Variants in MDGA2 observed in about 807,000 individuals in gnomAD.
MDGA2 encodes the protein MAM domain containing glycosylphosphatidylinositol anchor 2, also known as MAM domain-containing glycosylphosphatidylinositol anchor protein 2.
MDGA2 carries 40 observed loss-of-function variants against 117.8 expected under a neutral mutation model. That is an observed-to-expected ratio of 0.34 (90% confidence interval 0.26 to 0.44). The LOEUF is 0.44. Ranked by LOEUF, MDGA2 falls within the 20% of genes least tolerant of loss-of-function variation. The probability of loss-of-function intolerance (pLI) is 1.00; values close to 1 mark genes in which losing one functional copy is unlikely to be tolerated. For missense variants in MDGA2, 1,123 were observed against 1,250.6 expected, an observed-to-expected ratio of 0.90 and a Z score of 1.54; for synonymous variants, 452 against 439.0, an observed-to-expected ratio of 1.03 and a Z score of -0.37.
At chr14:47,604,193 G>A (rs1163571787) in intron 1 of MDGA2, among the ~76,000 whole-genome samples, 2 of 152,000 alleles carry the variant, frequency 1.3e-5, no homozygotes, top group South Asian at 2.1e-4. Flanking sequence ...AATAAAACTT[G>A]GAAGGAATAT....
Position 47,674,792 on chromosome 14 carries a change from C to G in MDGA2, c.5G>C (p.Ser2Thr). 1.5e-6 allele frequency: 1 copy of G among 681,586 alleles called. No individual in the cohort carries two copies. The highest frequency in any genetic ancestry group is 2.6e-6 in the Non-Finnish European group (1 of 377,864). 42.2% of individuals were successfully genotyped at this position (681,586 alleles called of 1,614,324 possible). The stretch of plus-strand genomic sequence containing the variant: ...GCGCAGGAGCCCCGCACTCCACACA[C>G]TCATGCACACACACACTCACACACA... M[S>T]VWSAGLLRSA... Residue 2 changes from serine (S) to threonine (T), a missense_variant, in exon 1 of 17, where the codon AGT becomes ACT. Physicochemically the swap from Ser to Thr is moderately conservative, Grantham distance 58. This residue lies in a region of MDGA2 where 233 missense variants were observed against 200.3 expected (regional missense o/e 1.16). Coordinates refer to ENST00000399232, the MANE Select transcript of MDGA2 (RefSeq NM_001113498.3).
At chr14:47,407,795 C>A (rs980434819) in intron 1 of MDGA2, among the ~76,000 whole-genome samples, 2 of 152,082 alleles carry the variant, frequency 1.3e-5, no homozygotes, top group Non-Finnish European at 2.9e-5. Flanking sequence ...GTATATTGAG[C>A]AGCCACTGGC....
rs111886808 is a variant in MDGA2 at position 46,948,811 on chromosome 14, A to G, written c.2089+8563T>C. Among the ~76,000 whole-genome samples, 107 of 152,152 alleles carry G rather than the reference A, an allele frequency of 7.0e-4. 1 individual carries two copies. The highest frequency in any genetic ancestry group is 2.4e-3 in the African/African-American group (101 of 41,540). ...AAAGCTATCTCTCAGACAAGCCACAAAATATTGTCACTGGCCTCATTGGTT... is the reference window on the plus strand; with the variant it reads ...AAAGCTATCTCTCAGACAAGCCACAGAATATTGTCACTGGCCTCATTGGTT... On this transcript the variant is annotated intron_variant, in intron 9 of 16. Transcript: ENST00000399232.
chr14:47,072,087 T>G (rs868116100), intron 6 of MDGA2, among the ~76,000 whole-genome samples: 6 of 113,628 alleles, frequency 5.3e-5, no homozygotes, highest in Middle Eastern at 4.3e-3. Flanking sequence ...GGAAGTTTGT[T>G]GGTTGTTGTT....
intron 8 of MDGA2, among the ~76,000 whole-genome samples, chr14:47,026,957 A>T (rs1888495634): frequency 6.6e-6 from 1 of 152,078 alleles, no homozygotes; most frequent in African/African-American, 2.4e-5. Flanking sequence ...GGGACGCTTG[A>T]GGCCAGGAGT....
At chr14:46,976,278 C>CA (rs1257776523) in intron 8 of MDGA2, among the ~76,000 whole-genome samples, 2 of 151,792 alleles carry the variant, frequency 1.3e-5, no homozygotes, top group African/African-American at 4.8e-5. Context: ...AAACAAAAAA[C>CA]AAAAACACAG....
chr14:47,266,519 T>A (rs1447727162), intron 2 of MDGA2, among the ~76,000 whole-genome samples: 1 of 152,208 alleles, frequency 6.6e-6, no homozygotes. Flanking sequence ...AGCATGTAGC[T>A]AGAATAATCT....
intron 14 of MDGA2, chr14:46,873,193 CTACCTGA>C: frequency 2.5e-6 from 1 of 397,004 alleles, no homozygotes; most frequent in Admixed American, 4.3e-5. Flanking sequence ...CATTGATTGT[CTACCTGA>C]TTTAGGATTC....
At chr14:46,979,177 ATTG>A in intron 8 of MDGA2, among the ~76,000 whole-genome samples, 1 of 151,892 alleles carries the variant, frequency 6.6e-6, no homozygotes, top group Non-Finnish European at 1.5e-5. Context: ...TGATCTTACT[ATTG>A]TTATTTCTAT....
intron 11 of MDGA2, among the ~76,000 whole-genome samples, chr14:46,879,269 G>A (rs1292069325): frequency 1.3e-5 from 2 of 150,892 alleles, no homozygotes; most frequent in Admixed American, 6.6e-5. Flanking sequence ...CTATAAATTA[G>A]GAAGAGAGCT....
chr14:47,314,783 T>C (rs1424169603), intron 1 of MDGA2, among the ~76,000 whole-genome samples: 3 of 152,090 alleles, frequency 2.0e-5, no homozygotes, highest in African/African-American at 7.2e-5. Flanking sequence ...ATTATAAATA[T>C]CAAGCCATAA....
chr14:47,630,705 A>G (rs547783639), intron 1 of MDGA2, among the ~76,000 whole-genome samples: 2 of 152,208 alleles, frequency 1.3e-5, no homozygotes, highest in Non-Finnish European at 2.9e-5. Context: ...AAGGACATCT[A>G]GAGTATCTAT....
intron 10 of MDGA2, among the ~76,000 whole-genome samples, chr14:46,896,508 G>A (rs1265851768): frequency 6.6e-6 from 1 of 151,926 alleles, no homozygotes; most frequent in African/African-American, 2.4e-5. Context: ...AGTAATGGAG[G>A]ATCAAGCAGA....
intron 2 of MDGA2, among the ~76,000 whole-genome samples, chr14:47,229,102 C>G (rs1387973994): frequency 6.6e-6 from 1 of 152,138 alleles, no homozygotes; most frequent in African/African-American, 2.4e-5. Context: ...CAAAGGCTAA[C>G]CTGGCAAACA....
chr14:47,257,515 T>C (rs1233446919), intron 2 of MDGA2, among the ~76,000 whole-genome samples: 4 of 152,182 alleles, frequency 2.6e-5, no homozygotes, highest in Non-Finnish European at 5.9e-5. Context: ...GTTTATTGTC[T>C]GCATCCCCTC....
chr14:47,330,885 G>T (rs1890274459), intron 1 of MDGA2, among the ~76,000 whole-genome samples: 1 of 151,742 alleles, frequency 6.6e-6, no homozygotes, highest in Non-Finnish European at 1.5e-5. Context: ...CTAAATTTGT[G>T]TGTTTCAATA....
At chr14:46,964,620 G>A (rs930160577) in intron 8 of MDGA2, among the ~76,000 whole-genome samples, 1 of 152,152 alleles carries the variant, frequency 6.6e-6, no homozygotes, top group Non-Finnish European at 1.5e-5. Context: ...TTAATGAACA[G>A]CATATTGTTG....
At chr14:47,592,142 C>T (rs1329767837) in intron 1 of MDGA2, among the ~76,000 whole-genome samples, 5 of 151,906 alleles carry the variant, frequency 3.3e-5, no homozygotes, top group African/African-American at 1.2e-4. Context: ...CCATTCATTA[C>T]TGCCGCAAAG....
At chr14:47,100,653 A>C (rs1339437066) in intron 5 of MDGA2, among the ~76,000 whole-genome samples, 3 of 152,170 alleles carry the variant, frequency 2.0e-5, no homozygotes, top group East Asian at 3.9e-4. Context: ...ATAAGGAAAC[A>C]CTGGATGAGA....
Sources: allele counts gnomAD v4.1 joint callset (sites outside exome capture counted in the v4.1 genomes callset), GRCh38; gene constraint gnomAD v4.1.1; regional missense constraint gnomAD v4.1.1; transcripts MANE v1.5; gene names NCBI Gene and HGNC (gene_info 2026-07-23, HGNC 2026-07-21).